Variants in ZRANB3 observed in about 807,000 individuals in gnomAD.
ZRANB3 encodes the protein zinc finger RANBP2-type containing 3.
Under a neutral mutation model 133.8 loss-of-function variants are expected in ZRANB3, and 125 were observed. That is an observed-to-expected ratio of 0.93 (90% CI 0.81 to 1.08). The LOEUF (loss-of-function observed/expected upper bound fraction) is 1.08. Ranked by LOEUF, ZRANB3 falls within the 50% of genes least tolerant of loss-of-function variation. ZRANB3 has a pLI of 0.00. For missense variants in ZRANB3, 1,229 were observed against 1,275.5 expected, an observed-to-expected ratio of 0.96 and a Z score of 0.56; for synonymous variants, 387 against 432.7, an observed-to-expected ratio of 0.89 and a Z score of 1.31.
chr2:135,404,973 T>C (rs1298295346), intron 2 of ZRANB3, among the ~76,000 whole-genome samples: 2 of 152,140 alleles, frequency 1.3e-5, no homozygotes, highest in East Asian at 3.8e-4. Flanking sequence ...ATAACAATAT[T>C]AACCTTACAT....
rs191813093 is a variant in ZRANB3 at position 135,322,362 on chromosome 2, T to C, written c.678-6832A>G. ...ATTTAAAATGTCAATTTCTACAAAA[T>C]CTTGGGTTTGATTGTTATTGCACAG... On this transcript the variant is annotated intron_variant, in intron 6 of 20. Coordinates refer to ENST00000264159, the MANE Select transcript of ZRANB3 (RefSeq NM_032143.4). 1.1e-3 allele frequency among the ~76,000 whole-genome samples: 163 copies of C among 152,296 alleles called. 1 individual carries two copies. Among genetic ancestry groups the C allele is most frequent in the Non-Finnish European group, 1.7e-3 (113 of 68,020 alleles).
intron 8 of ZRANB3, among the ~76,000 whole-genome samples, chr2:135,305,896 T>A (rs564599408): frequency 1.3e-5 from 2 of 152,256 alleles, no homozygotes; most frequent in East Asian, 1.9e-4. Context: ...TTTCAGCAAA[T>A]TGAATATATT....
intron 3 of ZRANB3, among the ~76,000 whole-genome samples, chr2:135,361,022 C>G (rs1271979140): frequency 6.6e-6 from 1 of 152,222 alleles, no homozygotes; most frequent in Non-Finnish European, 1.5e-5. Context: ...TCAACCAATC[C>G]TCCTGCCTTG....
chr2:135,318,822 T>G (rs919989042), intron 6 of ZRANB3, among the ~76,000 whole-genome samples: 1 of 152,190 alleles, frequency 6.6e-6, no homozygotes, highest in Non-Finnish European at 1.5e-5. Context: ...TAGCTCCCAC[T>G]TCATAGCATT....
In ZRANB3 at chr2:135,214,031, T is replaced by A. The variant is rs7581056; in HGVS notation, c.2495+3434A>T. Among the ~76,000 whole-genome samples, 845 of 152,118 alleles carry A rather than the reference T, an allele frequency of 5.6e-3. 5 individuals are homozygous for A. Among genetic ancestry groups the A allele is most frequent in the African/African-American group, 0.019 (799 of 41,486 alleles). On this transcript the variant is annotated intron_variant, in intron 17 of 20. Transcript: ENST00000264159. ...AGTCCTACAACTGCAAGGAACTGAGTTCTGCCAACAATGTTAGTGAGCTTG... is the reference window on the plus strand; with the variant it reads ...AGTCCTACAACTGCAAGGAACTGAGATCTGCCAACAATGTTAGTGAGCTTG...
chr2:135,433,287 T>C (rs1414168791), intron 2 of ZRANB3, among the ~76,000 whole-genome samples: 2 of 152,102 alleles, frequency 1.3e-5, no homozygotes, highest in African/African-American at 4.8e-5. Flanking sequence ...CTTGGGGTGC[T>C]GTGGCAGGTG....
chr2:135,328,622 C>G (rs1321041303), intron 6 of ZRANB3, among the ~76,000 whole-genome samples: 2 of 152,120 alleles, frequency 1.3e-5, no homozygotes, highest in African/African-American at 2.4e-5. Context: ...GTTCTAGATC[C>G]TTGAGGAATC....
At chr2:135,355,647 G>A (rs1022899892) in intron 3 of ZRANB3, among the ~76,000 whole-genome samples, 3 of 152,120 alleles carry the variant, frequency 2.0e-5, no homozygotes, top group South Asian at 2.1e-4. Flanking sequence ...ATGAGCCACC[G>A]CGCCCGGCCA....
rs1046377227 is a variant in ZRANB3, at chr2:135,483,502, C to T, written c.161+20827G>A. Among the ~76,000 whole-genome samples the T allele has an allele frequency of 1.7e-4, 26 of 151,978 alleles. 1 individual carries two copies. Among genetic ancestry groups the T allele is most frequent in the African/African-American group, 6.3e-4 (26 of 41,288 alleles). On this transcript the variant is annotated intron_variant, in intron 2 of 20. Coordinates refer to ENST00000264159, the MANE Select transcript of ZRANB3 (RefSeq NM_032143.4). ...TTTTTATTGCGTCTATTTGATTCTT[C>T]TCTCTTTTTTTATTAGTATTGCTAG...
chr2:135,227,817 C>A lies in ZRANB3; in HGVS notation c.2153G>T (p.Gly718Val), dbSNP rs747654371. Residue 718 changes from glycine (G) to valine (V), a missense_variant, in exon 14 of 21, where the codon GGT becomes GTT. Coordinates refer to ENST00000264159, the MANE Select transcript of ZRANB3 (RefSeq NM_032143.4). Reference sequence around the variant, plus strand: ...GAAATGGAAACAAGACTTACCATTACCTGGCTGGGATGTAAGTCCGTCTTC... The same window carrying A: ...GAAATGGAAACAAGACTTACCATTAACTGGCTGGGATGTAAGTCCGTCTTC... ...EKEDGLTSQPGNEQWKSSDTL... is the reference protein window; with the variant it reads ...EKEDGLTSQPVNEQWKSSDTL... The A allele has an allele frequency of 2.5e-6, 4 of 1,570,288 alleles. No individual in the cohort carries two copies. Among genetic ancestry groups the A allele is most frequent in the Non-Finnish European group, 2.6e-6 (3 of 1,155,726 alleles).
At chr2:135,489,231 G>A (rs1692265390) in intron 2 of ZRANB3, among the ~76,000 whole-genome samples, 1 of 145,528 alleles carries the variant, frequency 6.9e-6, no homozygotes. Context: ...AGTCAAATAT[G>A]TTCTCACTCA....
intron 12 of ZRANB3, among the ~76,000 whole-genome samples, chr2:135,263,650 G>C (rs1024421457): frequency 2.6e-5 from 4 of 152,130 alleles, no homozygotes; most frequent in Admixed American, 2.6e-4. Flanking sequence ...AGAATTATAA[G>C]GATGTGTTTT....
intron 2 of ZRANB3, among the ~76,000 whole-genome samples, chr2:135,480,230 C>A (rs1379055160): frequency 6.6e-6 from 1 of 152,094 alleles, no homozygotes; most frequent in Non-Finnish European, 1.5e-5. Context: ...GCGTGAGCCA[C>A]AGCGCTTGGC....
chr2:135,510,522 G>T, intron 1 of ZRANB3: 1 of 625,780 alleles, frequency 1.6e-6, no homozygotes, highest in Non-Finnish European at 2.9e-6. Flanking sequence ...GGGTTTGTAT[G>T]GCCGCGTGAA....
At chr2:135,342,080 C>T (rs4266063) in intron 6 of ZRANB3, among the ~76,000 whole-genome samples, 18,829 of 149,720 alleles carry the variant, frequency 0.13, 2,184 homozygotes, top group South Asian at 0.32. Context: ...TTTTGAAAAT[C>T]GCTAATAAAA....
At chr2:135,201,763 C>A (rs572642540) in intron 20 of ZRANB3, among the ~76,000 whole-genome samples, 1 of 151,862 alleles carries the variant, frequency 6.6e-6, no homozygotes, top group Non-Finnish European at 1.5e-5. Context: ...TGATTAGCAT[C>A]TTTTAAAAAC....
At chr2:135,237,226 C>A (rs1695331122) in intron 12 of ZRANB3, among the ~76,000 whole-genome samples, 1 of 150,918 alleles carries the variant, frequency 6.6e-6, no homozygotes, top group South Asian at 2.1e-4. Context: ...AAATGCAAAT[C>A]AAAACCACAA....
At chr2:135,366,381 A>T (rs1293406197) in intron 3 of ZRANB3, among the ~76,000 whole-genome samples, 1 of 152,174 alleles carries the variant, frequency 6.6e-6, no homozygotes, top group East Asian at 1.9e-4. Context: ...AAAAGGAAAT[A>T]AGCAAGAGGA....
intron 6 of ZRANB3, among the ~76,000 whole-genome samples, chr2:135,322,744 C>T (rs1683591230): frequency 6.6e-6 from 1 of 151,992 alleles, no homozygotes; most frequent in Admixed American, 6.6e-5. Flanking sequence ...TGACCAGGCG[C>T]AGTGGCTCAC....
Sources: allele counts gnomAD v4.1 joint callset (sites outside exome capture counted in the v4.1 genomes callset), GRCh38; gene constraint gnomAD v4.1.1; transcripts MANE v1.5; gene names NCBI Gene and HGNC (gene_info 2026-07-23, HGNC 2026-07-21).